Variants in SPATA13 observed in about 807,000 individuals in gnomAD.
The protein encoded by SPATA13 is spermatogenesis-associated protein 13.
A neutral mutation model predicts 104.0 loss-of-function variants in SPATA13; 50 were observed. The ratio of observed to expected loss-of-function variants is 0.48; its 90% confidence interval spans 0.38 to 0.61. SPATA13 has a LOEUF of 0.61. SPATA13 is among the 20% of genes least tolerant of loss of function. SPATA13 has a pLI of 0.00. For synonymous variants in SPATA13, 606 were observed against 667.5 expected, an observed-to-expected ratio of 0.91 and a Z score of 1.42; for missense variants, 1,524 against 1,690.6, an observed-to-expected ratio of 0.90 and a Z score of 1.73.
intron 1 of SPATA13, among the ~76,000 whole-genome samples, chr13:24,182,147 G>T (rs1210707857): frequency 1.3e-5 from 2 of 152,174 alleles, no homozygotes; most frequent in African/African-American, 4.8e-5. Context: ...TGGGGAAAGA[G>T]GCCTGGCCAG....
At chr13:24,239,187 G>A (rs1462157404) in intron 2 of SPATA13, among the ~76,000 whole-genome samples, 1 of 152,194 alleles carries the variant, frequency 6.6e-6, no homozygotes, top group Non-Finnish European at 1.5e-5. Context: ...CATGGGGGAA[G>A]GGAAATTGCA....
At chr13:24,193,550 C>A (rs1869890775) in intron 1 of SPATA13, among the ~76,000 whole-genome samples, 1 of 152,066 alleles carries the variant, frequency 6.6e-6, no homozygotes, top group Non-Finnish European at 1.5e-5. Context: ...CATGGAGTTG[C>A]TGGAGAAACC....
chr13:24,098,488 T>C (rs891239187), intron 3 of SPATA13, among the ~76,000 whole-genome samples: 3 of 151,922 alleles, frequency 2.0e-5, no homozygotes, highest in African/African-American at 7.3e-5. Flanking sequence ...TCCCAGCTAC[T>C]TGGGAGGCTA....
chr13:24,097,860 A>G (rs1880132239), intron 3 of SPATA13, among the ~76,000 whole-genome samples: 1 of 150,842 alleles, frequency 6.6e-6, no homozygotes, highest in African/African-American at 2.4e-5. Context: ...CTCAGGAGAA[A>G]CCGCGGAGAA....
At chr13:24,137,240 T>C (rs1881602493) in intron 3 of SPATA13, among the ~76,000 whole-genome samples, 1 of 152,178 alleles carries the variant, frequency 6.6e-6, no homozygotes, top group African/African-American at 2.4e-5. Flanking sequence ...GGGCTTCAGT[T>C]GGGGTGAAAG....
At chr13:24,288,102 T>C (rs1192849816) in intron 7 of SPATA13, among the ~76,000 whole-genome samples, 1 of 152,180 alleles carries the variant, frequency 6.6e-6, no homozygotes. Flanking sequence ...TAAGAGGAAG[T>C]GCCCATGATT....
At chr13:24,288,708 A>T (rs763935792) in intron 7 of SPATA13, among the ~76,000 whole-genome samples, 5 of 152,192 alleles carry the variant, frequency 3.3e-5, no homozygotes, top group Non-Finnish European at 7.3e-5. Context: ...GTTTGGAAAA[A>T]CACGTGACGA....
At chr13:24,229,249 A>C (rs1467526614) in intron 2 of SPATA13, among the ~76,000 whole-genome samples, 2 of 152,182 alleles carry the variant, frequency 1.3e-5, no homozygotes, top group Admixed American at 1.3e-4. Context: ...AGGTAGTGCT[A>C]AATATGCCAT....
chr13:24,146,021 C>T (rs1378385734), intron 3 of SPATA13, among the ~76,000 whole-genome samples: 1 of 152,200 alleles, frequency 6.6e-6, no homozygotes, highest in Non-Finnish European at 1.5e-5. Flanking sequence ...GACACTTGGA[C>T]TGAACAGGTA....
At chr13:24,076,464 T>G (rs1223699289) in intron 3 of SPATA13, among the ~76,000 whole-genome samples, 1 of 152,082 alleles carries the variant, frequency 6.6e-6, no homozygotes, top group Non-Finnish European at 1.5e-5. Context: ...CCTGGATTTG[T>G]TTTTGATGTT....
intron 1 of SPATA13, among the ~76,000 whole-genome samples, chr13:24,187,617 T>C (rs1258929351): frequency 6.6e-6 from 1 of 152,244 alleles, no homozygotes; most frequent in Non-Finnish European, 1.5e-5. Flanking sequence ...TCTCAAAACA[T>C]TTCAAGCATT....
chr13:24,072,411 G>A (rs191645077), intron 3 of SPATA13, among the ~76,000 whole-genome samples: 208 of 152,252 alleles, frequency 1.4e-3, no homozygotes, highest in Middle Eastern at 0.01. Context: ...ATTAATGTTC[G>A]CATTGAGCCT....
Position 24,139,984 on chromosome 13 carries a change from T to C in SPATA13, c.-111-82835T>C, listed in dbSNP as rs542625994. Among the ~76,000 whole-genome samples, 654 of 150,372 alleles carry C rather than the reference T, an allele frequency of 4.3e-3. 5 individuals carry two copies. Among genetic ancestry groups the C allele is most frequent in the Non-Finnish European group, 4.8e-3 (323 of 67,760 alleles). On this transcript the variant is annotated intron_variant, in intron 3 of 14. Coordinates refer to the SPATA13 transcript ENST00000424834. The stretch of plus-strand genomic sequence containing the variant: ...TCGGGAGGCTGAGGCAGGAGAATGG[T>C]GTGAACCCGGGAGGCGGAGCTTGGC...
intron 3 of SPATA13, among the ~76,000 whole-genome samples, chr13:24,101,236 A>G (rs1178192433): frequency 1.3e-5 from 2 of 152,176 alleles, no homozygotes; most frequent in African/African-American, 4.8e-5. Context: ...ACTCAAACAC[A>G]TATAATTTTC....
chr13:24,199,854 T>A (rs1870300763), intron 1 of SPATA13, among the ~76,000 whole-genome samples: 1 of 152,232 alleles, frequency 6.6e-6, no homozygotes, highest in Non-Finnish European at 1.5e-5. Flanking sequence ...GTAATTGTAA[T>A]CCAATTTTTT....
At chr13:24,135,554 C>G (rs557616476) in intron 3 of SPATA13, among the ~76,000 whole-genome samples, 1 of 151,832 alleles carries the variant, frequency 6.6e-6, no homozygotes, top group African/African-American at 2.4e-5. Flanking sequence ...AAAAATTAGC[C>G]GGGCATGGTG....
intron 2 of SPATA13, among the ~76,000 whole-genome samples, chr13:23,986,571 G>A (rs1875156053): frequency 6.6e-6 from 1 of 152,164 alleles, no homozygotes; most frequent in Non-Finnish European, 1.5e-5. Context: ...GTGTCTCTAG[G>A]AAGCTGCAAG....
rs149725662 is a variant in SPATA13, at chr13:24,250,687, C to T, written c.2019+845C>T. On this transcript the variant is annotated intron_variant, in intron 3 of 12. Coordinates refer to ENST00000382108, the MANE Select transcript of SPATA13 (RefSeq NM_001166271.3). Reference sequence around the variant, plus strand: ...GCCCCACACAATGCCTTGTCTATAACAAGCACTCAAAAACTCTTGCTTAAA... The same window carrying T: ...GCCCCACACAATGCCTTGTCTATAATAAGCACTCAAAAACTCTTGCTTAAA... Among the ~76,000 whole-genome samples the T allele has an allele frequency of 1.9e-3, 287 of 152,314 alleles. 4 individuals are homozygous for T. The highest frequency in any genetic ancestry group is 3.4e-3 in the Non-Finnish European group (229 of 68,036).
intron 2 of SPATA13, among the ~76,000 whole-genome samples, chr13:24,243,461 A>G (rs9318427): frequency 0.014 from 2,106 of 152,346 alleles, 41 homozygotes; most frequent in African/African-American, 0.047. Context: ...GTAAAAGTAC[A>G]TGCTAAGTAT....
Sources: gnomAD v4.1 joint callset for allele counts (sites outside exome capture counted in the v4.1 genomes callset) on GRCh38, gnomAD v4.1.1 for gene constraint, MANE v1.5 for transcripts, NCBI Gene and HGNC (gene_info 2026-07-23, HGNC 2026-07-21) for gene names.